Variants in TFPI observed in about 807,000 individuals in gnomAD.
TFPI encodes the protein anti-convertin.
TFPI carries 15 observed loss-of-function variants against 34.6 expected under a neutral mutation model. The observed-to-expected ratio is 0.43, with a 90% CI of 0.29 to 0.67. The LOEUF (loss-of-function observed/expected upper bound fraction) is 0.67, where lower values mean the gene tolerates loss of function less well. Among genes scored for constraint, TFPI ranks in the 30% least tolerant of loss-of-function variants. The pLI is 0.15. For missense variants in TFPI, 301 were observed against 364.0 expected (o/e 0.83, Z 1.41); for synonymous variants, 105 against 120.1 (o/e 0.87, Z 0.82).
chr2:187,521,363 T>C (rs1057176934), intron 1 of TFPI, among the ~76,000 whole-genome samples: 2 of 152,120 alleles, frequency 1.3e-5, no homozygotes, highest in Non-Finnish European at 2.9e-5. Context: ...ATTGTTTCCA[T>C]ATCTTGGTTA....
chr2:187,517,623 T>G (rs1207182306), intron 1 of TFPI: 1 of 152,186 alleles, frequency 6.6e-6, no homozygotes, highest in Non-Finnish European at 1.5e-5. Context: ...TTCTGTTGAT[T>G]TGGGGTTGAG....
At chr2:187,483,081 G>A (rs1692994964) in intron 6 of TFPI, among the ~76,000 whole-genome samples, 1 of 151,758 alleles carries the variant, frequency 6.6e-6, no homozygotes. Flanking sequence ...TAGAAAAGTC[G>A]GAGTCAACAT....
intron 1 of TFPI, chr2:187,547,466 T>G (rs932281723): frequency 2.0e-5 from 3 of 152,156 alleles, no homozygotes; most frequent in African/African-American, 7.2e-5. Context: ...TTGCTTCTAA[T>G]GACAAGTATC....
chr2:187,535,027 A>G (rs1688172245), intron 1 of TFPI, among the ~76,000 whole-genome samples: 1 of 152,222 alleles, frequency 6.6e-6, no homozygotes, highest in Non-Finnish European at 1.5e-5. Context: ...CAATGCAACA[A>G]GAAGAGCTAA....
intron 3 of TFPI, among the ~76,000 whole-genome samples, chr2:187,494,456 T>C (rs1187503623): frequency 6.6e-6 from 1 of 152,198 alleles, no homozygotes; most frequent in Non-Finnish European, 1.5e-5. Context: ...AGGGCTCATC[T>C]TATGTATTTA....
intron 3 of TFPI, 95 bp from the exon 4 acceptor site, chr2:187,488,470 C>A: frequency 1.4e-6 from 1 of 717,352 alleles, no homozygotes; most frequent in East Asian, 3.2e-5. Context: ...ATATTTATTA[C>A]CATTAAAATT....
intron 7 of TFPI, among the ~76,000 whole-genome samples, chr2:187,467,504 G>A (rs933301447): frequency 6.6e-6 from 1 of 152,026 alleles, no homozygotes; most frequent in Non-Finnish European, 1.5e-5. Flanking sequence ...TGAATGCTTA[G>A]TATTTGAACA....
intron 1 of TFPI, chr2:187,515,557 C>G (rs1436218383): frequency 1.3e-5 from 2 of 152,136 alleles, no homozygotes; most frequent in Non-Finnish European, 2.9e-5. Flanking sequence ...AAGCGCTGCT[C>G]CAGTCACACC....
At chr2:187,505,589 A>G (rs1187369366) in intron 1 of TFPI, among the ~76,000 whole-genome samples, 1 of 152,160 alleles carries the variant, frequency 6.6e-6, no homozygotes, top group Admixed American at 6.6e-5. Context: ...TGCATGAACA[A>G]TGAACTGTCC....
rs547785814 is a variant in TFPI at position 187,549,189 on chromosome 2, G to T, written c.-3+5011C>A. 1.4e-4 allele frequency among the ~76,000 whole-genome samples: 21 copies of T among 152,028 alleles called. No homozygotes were observed. The South Asian group carries it at 3.5e-3, about 26-fold the overall frequency. On this transcript the variant is annotated intron_variant, in intron 1 of 7. Transcript: ENST00000233156. ...TGCTAATATAAATTATGTCTACTAC[G>T]TTTTCATTTATTTGGGATTATCTGT...
At chr2:187,536,863 A>C (rs2106281999) in intron 1 of TFPI, among the ~76,000 whole-genome samples, 1 of 152,366 alleles carries the variant, frequency 6.6e-6, no homozygotes, top group South Asian at 2.1e-4. Context: ...AATCTCCTTA[A>C]GCTGAAAAGC....
At chr2:187,478,451 A>G (rs1449128587) in intron 6 of TFPI, 1 of 452,968 alleles carries the variant, frequency 2.2e-6, no homozygotes, top group Non-Finnish European at 3.6e-6. Flanking sequence ...ATCAGGAAAA[A>G]AATGACTTTT....
At chr2:187,542,154 G>C (rs1220519920) in intron 1 of TFPI, among the ~76,000 whole-genome samples, 5 of 152,110 alleles carry the variant, frequency 3.3e-5, no homozygotes, top group Admixed American at 1.3e-4. Context: ...AGTTGTATAT[G>C]GTTAAAAAGG....
chr2:187,522,738 A>C (rs979333086), intron 1 of TFPI, among the ~76,000 whole-genome samples: 1 of 148,764 alleles, frequency 6.7e-6, no homozygotes, highest in Non-Finnish European at 1.5e-5. Flanking sequence ...AAAAAAAAAA[A>C]AAAAAACCCA....
At chr2:187,485,878 T>A (rs1693223764) in intron 4 of TFPI, among the ~76,000 whole-genome samples, 2 of 151,756 alleles carry the variant, frequency 1.3e-5, no homozygotes, top group Admixed American at 1.3e-4. Flanking sequence ...ATTACCATAT[T>A]GGCAAAACTG....
Position 187,496,942 on chromosome 2 carries a change from T to A in TFPI, c.258A>T (p.Gly86=). The change falls in exon 3 of 8, where the codon GGA becomes GGT. Residue 86 remains glycine, a synonymous_variant. Transcript: ENST00000233156. ...CAAATCGATTCTGATTTCCTTCACATCCCCCATATATAAATTCTTCGCACT... is the reference window on the plus strand; with the variant it reads ...CAAATCGATTCTGATTTCCTTCACAACCCCCATATATAAATTCTTCGCACT... The part of the protein sequence containing the change: ...TRQCEEFIYG[G]CEGNQNRFES... 1.2e-6 allele frequency: 2 copies of A among 1,613,220 alleles called. No homozygotes were observed. Among genetic ancestry groups the A allele is most frequent in the African/African-American group, 2.7e-5 (2 of 74,956 alleles).
chr2:187,502,129 A>G (rs8176597), intron 2 of TFPI, among the ~76,000 whole-genome samples: 5,767 of 152,296 alleles, frequency 0.038, 175 homozygotes, highest in Admixed American at 0.091. Flanking sequence ...TAGTTGGTGA[A>G]GAGGTCTTTA....
chr2:187,482,397 TAAAG>T (rs941269277), intron 6 of TFPI, among the ~76,000 whole-genome samples: 3 of 151,840 alleles, frequency 2.0e-5, no homozygotes, highest in African/African-American at 7.3e-5. Flanking sequence ...TGGAAAGACA[TAAAG>T]AAATAATGCA....
At chr2:187,478,737 G>A in intron 6 of TFPI, 1 of 1,613,724 alleles carries the variant, frequency 6.2e-7, no homozygotes, top group Non-Finnish European at 8.5e-7. Flanking sequence ...AATGCAGAAG[G>A]CGTTCAGAAA....
Sources: allele counts gnomAD v4.1 joint callset (sites outside exome capture counted in the v4.1 genomes callset), GRCh38; gene constraint gnomAD v4.1.1; transcripts MANE v1.5; gene names NCBI Gene and HGNC (gene_info 2026-07-23, HGNC 2026-07-21).